Variants in AKAP8L observed in about 807,000 individuals in gnomAD.
AKAP8L encodes A-kinase anchor protein 8-like.
A neutral mutation model predicts 77.5 loss-of-function variants in AKAP8L; 34 were observed. The observed-to-expected ratio is 0.44, with a 90% confidence interval of 0.33 to 0.58. The LOEUF (loss-of-function observed/expected upper bound fraction) is 0.58, where lower values mean the gene tolerates loss of function less well. Ranked by LOEUF, AKAP8L falls within the 20% of genes least tolerant of loss-of-function variation. The pLI, the probability that AKAP8L is intolerant of heterozygous loss-of-function variation, is 0.02. For missense variants in AKAP8L, 806 were observed against 887.6 expected, an observed-to-expected ratio of 0.91 and a Z score of 1.17; for synonymous variants, 342 against 340.7, an observed-to-expected ratio of 1.00 and a Z score of -0.04.
chr19:15,397,780 C>T lies in AKAP8L; in HGVS notation c.1233G>A (p.Lys411=), dbSNP rs775271699. The T allele has an allele frequency of 1.2e-6, 2 of 1,614,016 alleles. 1 individual carries two copies. ...CGTACTTAAAGTGTTCCTTGTGGAACTTGCTGTCAAGATGGCTGGCCATCT... is the reference window on the plus strand; with the variant it reads ...CGTACTTAAAGTGTTCCTTGTGGAATTTGCTGTCAAGATGGCTGGCCATCT... ...EDEMASHLDS[K]FHKEHFKYVG... The change falls in exon 10 of 14, where the codon AAG becomes AAA. Residue 411 remains lysine, a synonymous_variant. Transcript: ENST00000397410. This position sits in a 1 kb window ranked among gnomAD's most constrained non-coding sequence, Gnocchi z 4.7.
At chr19:15,395,710 C>T (rs980016202) in intron 12 of AKAP8L, among the ~76,000 whole-genome samples, 4 of 150,506 alleles carry the variant, frequency 2.7e-5, no homozygotes, top group African/African-American at 7.3e-5. Flanking sequence ...TTAGGCCGGG[C>T]GCGGTGGCTC....
At chr19:15,382,594 C>G (rs771454670) in intron 12 of AKAP8L, among the ~76,000 whole-genome samples, 11 of 152,164 alleles carry the variant, frequency 7.2e-5, no homozygotes, top group Non-Finnish European at 1.0e-4. Flanking sequence ...ATTATACTTA[C>G]CAGTTGAGCA....
chr19:15,389,096 C>T (rs1482689242), intron 12 of AKAP8L, among the ~76,000 whole-genome samples: 19 of 145,148 alleles, frequency 1.3e-4, no homozygotes, highest in East Asian at 8.3e-4. Flanking sequence ...TGGTGGTGGG[C>T]GCCTATAGTC....
chr19:15,389,922 G>T (rs1967624929), intron 12 of AKAP8L, among the ~76,000 whole-genome samples: 1 of 54,324 alleles, frequency 1.8e-5, no homozygotes, highest in Non-Finnish European at 3.5e-5. Flanking sequence ...CCAATATTAG[G>T]TTAAAGCCGA....
chr19:15,400,045 A>G (rs1408311292), intron 8 of AKAP8L: 1 of 562,814 alleles, frequency 1.8e-6, no homozygotes, highest in African/African-American at 1.9e-5. Context: ...AGCTGCCCCC[A>G]TCTGAAGGCA....
intron 12 of AKAP8L, among the ~76,000 whole-genome samples, chr19:15,382,404 T>C (rs1311839595): frequency 6.6e-6 from 1 of 152,046 alleles, no homozygotes; most frequent in Non-Finnish European, 1.5e-5. Context: ...GGTTTTCCTA[T>C]GTTGCCCAGA....
intron 12 of AKAP8L, among the ~76,000 whole-genome samples, chr19:15,384,980 C>CTTTTTTTTTTTTTTTTTTT (rs940796391): frequency 7.2e-6 from 1 of 137,956 alleles, no homozygotes; most frequent in African/African-American, 2.7e-5. Flanking sequence ...ATGCCATTCT[C>CTTTTTTTTTTTTTTTTTTT]TTTTTTTTTT....
chr19:15,410,632 A>C lies in AKAP8L; in HGVS notation c.14-38T>G, dbSNP rs1024247131. ...ACAGTGGGGTTAATTTCCACAAGCAAGTCACAGGGAAATGACCTGAGACTA... is the reference window on the plus strand; with the variant it reads ...ACAGTGGGGTTAATTTCCACAAGCACGTCACAGGGAAATGACCTGAGACTA... On this transcript the variant is annotated intron_variant, in intron 1 of 13. Coordinates refer to ENST00000397410, the MANE Select transcript of AKAP8L (RefSeq NM_014371.4). 4.0e-6 allele frequency: 6 copies of C among 1,517,518 alleles called. No homozygotes were observed. The African/African-American group carries it at 8.3e-5, about 21-fold the overall frequency. 94.0% of individuals were successfully genotyped at this position (1,517,518 alleles called of 1,614,324 possible). A position where few individuals can be genotyped will look rare whatever the true frequency, so the allele number is the denominator to read the frequency against.
At chr19:15,389,762 T>TC (rs1157924546) in intron 12 of AKAP8L, among the ~76,000 whole-genome samples, 1 of 152,004 alleles carries the variant, frequency 6.6e-6, no homozygotes, top group Non-Finnish European at 1.5e-5. Flanking sequence ...AGACCAAGAC[T>TC]CCGTCTCAAG....
chr19:15,395,886 A>G (rs1187225158), intron 12 of AKAP8L, among the ~76,000 whole-genome samples: 1 of 141,176 alleles, frequency 7.1e-6, no homozygotes, highest in African/African-American at 2.6e-5. Context: ...CGGGAGGCTG[A>G]GGCAGGAGAA....
intron 1 of AKAP8L, among the ~76,000 whole-genome samples, chr19:15,414,309 G>A (rs1041711769): frequency 1.3e-5 from 2 of 152,102 alleles, no homozygotes; most frequent in Admixed American, 6.5e-5. Context: ...TGCCCGCCTC[G>A]GTCTCCCAAA....
intron 2 of AKAP8L, among the ~76,000 whole-genome samples, chr19:15,404,972 T>G (rs543928343): frequency 5.9e-5 from 9 of 152,374 alleles, no homozygotes; most frequent in Middle Eastern, 3.4e-3. Flanking sequence ...GAACTGCTGA[T>G]GACCACTATG....
At chr19:15,392,600 T>C (rs867535112) in intron 12 of AKAP8L, among the ~76,000 whole-genome samples, 2 of 151,006 alleles carry the variant, frequency 1.3e-5, no homozygotes, top group African/African-American at 2.4e-5. Context: ...AAAATACTTA[T>C]AAATAATCTT....
At chr19:15,388,968 A>G (rs1967600298) in intron 12 of AKAP8L, among the ~76,000 whole-genome samples, 1 of 150,726 alleles carries the variant, frequency 6.6e-6, no homozygotes, top group African/African-American at 2.4e-5. Flanking sequence ...TAATCCCAGC[A>G]CTTAGGGAGG....
chr19:15,398,534 T>A lies in AKAP8L; in HGVS notation c.1158-679A>T. On this transcript the variant is annotated intron_variant, in intron 9 of 13. Coordinates refer to ENST00000397410, the MANE Select transcript of AKAP8L (RefSeq NM_014371.4). This position sits in a 1 kb window ranked among gnomAD's most constrained non-coding sequence, Gnocchi z 9.2. ...CTCTGTCTGGGCCTGGTGTCCACAG[T>A]AGAAGCCCGGGGTCTGGGGCCTGGG... is the stretch of plus-strand genomic sequence containing the variant. The A allele has an allele frequency of 2.0e-6, 2 of 976,742 alleles. No individual in the cohort carries two copies. The highest frequency in any genetic ancestry group is 2.4e-6 in the Non-Finnish European group (2 of 821,758). 60.5% of individuals were successfully genotyped at this position (976,742 alleles called of 1,614,324 possible).
Position 15,380,105 on chromosome 19 carries a change from C to G in AKAP8L, c.*17G>C. The G allele has an allele frequency of 6.8e-7, 1 of 1,468,896 alleles. No homozygotes were observed. The highest frequency in any genetic ancestry group is 1.5e-5 in the African/African-American group (1 of 67,248). The allele number at this position is 1,468,896 out of a possible 1,614,324, so 91.0% of individuals were successfully genotyped here. On this transcript the variant is annotated 3_prime_UTR_variant, in exon 14 of 14. Transcript: ENST00000397410. Reference sequence around the variant, plus strand: ...TCCAGCTTCGGCCACGCGGGCTCCGCCCGCCCCGAGCTCGGGTCACGGGGC... The same window carrying G: ...TCCAGCTTCGGCCACGCGGGCTCCGGCCGCCCCGAGCTCGGGTCACGGGGC...
In AKAP8L at chr19:15,403,808, T is replaced by TCTC. The variant is rs1967947697; in HGVS notation, c.122-94_122-93insGAG. On this transcript the variant is annotated intron_variant, in intron 3 of 13. Coordinates refer to ENST00000397410, the MANE Select transcript of AKAP8L (RefSeq NM_014371.4). This position sits in a 1 kb window ranked among gnomAD's most constrained non-coding sequence, Gnocchi z 4.3. The stretch of plus-strand genomic sequence containing the variant: ...GACAAACACAGATACAAGGGTATCT[T>TCTC]CTGTCACAGAGAGAGAAGACCCTAG... The TCTC allele has an allele frequency of 8.6e-7, 1 of 1,161,366 alleles. No individual in the cohort carries two copies. The highest frequency in any genetic ancestry group is 2.0e-5 in the Admixed American group (1 of 49,324). The allele number at this position is 1,161,366 out of a possible 1,614,324, so 71.9% of individuals were successfully genotyped here.
At chr19:15,393,648 C>A (rs893688859) in intron 12 of AKAP8L, among the ~76,000 whole-genome samples, 26 of 151,966 alleles carry the variant, frequency 1.7e-4, no homozygotes, top group African/African-American at 6.3e-4. Context: ...ATGCCGGGCG[C>A]GGTGGCTCAT....
rs1376554395 is a variant in AKAP8L, at chr19:15,401,275, C to T, written c.691G>A (p.Gly231Ser). ...CCACCTCGCATGCCCTGGAACATGCCGTACTCGGGGATGATGTTCTGGGAG... is the reference window on the plus strand; with the variant it reads ...CCACCTCGCATGCCCTGGAACATGCTGTACTCGGGGATGATGTTCTGGGAG... ...LFSQNIIPEY[G>S]MFQGMRGGGA... Residue 231 changes from glycine to serine, a missense_variant, in exon 5 of 14, where the codon GGC becomes AGC. By Grantham distance (56) the Gly-to-Ser change is moderately conservative. Transcript: ENST00000397410. The surrounding 1 kb of genome is among the most constrained non-coding windows in gnomAD (Gnocchi z 6.2). 11 of 1,613,666 alleles carry T rather than the reference C, an allele frequency of 6.8e-6. No individual in the cohort carries two copies. The highest frequency in any genetic ancestry group is 3.3e-5 in the Admixed American group (2 of 60,000).
Sources: allele counts gnomAD v4.1 joint callset (sites outside exome capture counted in the v4.1 genomes callset), GRCh38; gene constraint gnomAD v4.1.1; non-coding constraint Gnocchi (gnomAD v3.1); transcripts MANE v1.5; gene names NCBI Gene and HGNC (gene_info 2026-07-23, HGNC 2026-07-21).